Variants in ARMC8 observed in about 807,000 individuals in gnomAD.
The protein encoded by ARMC8 is armadillo repeat containing 8.
A neutral mutation model predicts 99.3 loss-of-function variants in ARMC8; 20 were observed. That is an observed-to-expected ratio of 0.20 (90% CI 0.14 to 0.29). The LOEUF (loss-of-function observed/expected upper bound fraction) is 0.29, where lower values mean the gene tolerates loss of function less well. Ranked by LOEUF, ARMC8 falls within the 10% of genes least tolerant of loss-of-function variation. The pLI, the probability that ARMC8 is intolerant of heterozygous loss-of-function variation, is 1.00. For synonymous variants in ARMC8, 263 were observed against 278.3 expected, an observed-to-expected ratio of 0.95 and a Z score of 0.55; for missense variants, 569 against 809.5, an observed-to-expected ratio of 0.70 and a Z score of 3.60.
chr3:138,262,393 A>C (rs1034387877), intron 12 of ARMC8: 21 of 906,094 alleles, frequency 2.3e-5, no homozygotes, highest in Non-Finnish European at 3.3e-5. Flanking sequence ...TCTACAGCTA[A>C]AATGTGGTTC....
At chr3:138,244,164 A>T (rs1199792746) in intron 11 of ARMC8, among the ~76,000 whole-genome samples, 2 of 152,180 alleles carry the variant, frequency 1.3e-5, no homozygotes, top group African/African-American at 4.8e-5. Context: ...CCCATACCCA[A>T]CATAAATCTC....
At chr3:138,278,017 C>A (rs2049474325) in intron 18 of ARMC8, among the ~76,000 whole-genome samples, 1 of 152,118 alleles carries the variant, frequency 6.6e-6, no homozygotes, top group Non-Finnish European at 1.5e-5. Context: ...AGGCAAGATA[C>A]TATATGATCC....
chr3:138,188,734 A>C (rs2043214927), intron 1 of ARMC8, among the ~76,000 whole-genome samples: 1 of 152,176 alleles, frequency 6.6e-6, no homozygotes, highest in African/African-American at 2.4e-5. Context: ...CACCTATCTG[A>C]AAACACCTAG....
chr3:138,281,431 T>C (rs1417421725), intron 18 of ARMC8, among the ~76,000 whole-genome samples: 1 of 152,128 alleles, frequency 6.6e-6, no homozygotes. Context: ...TAGCTGGGAC[T>C]ACAGGCATGC....
chr3:138,264,910 TA>T (rs2048126269), intron 14 of ARMC8, among the ~76,000 whole-genome samples: 1 of 150,006 alleles, frequency 6.7e-6, no homozygotes, highest in Non-Finnish European at 1.5e-5. Flanking sequence ...TTTTTTTTTT[TA>T]AATAGACACA....
At chr3:138,262,609 AAAAAT>A in intron 12 of ARMC8, 2 of 1,583,212 alleles carry the variant, frequency 1.3e-6, no homozygotes, top group Non-Finnish European at 1.7e-6. Context: ...AAAAAAAAAA[AAAAAT>A]TTAGGTGCCT....
chr3:138,227,843 A>G (rs1380111909), intron 5 of ARMC8, among the ~76,000 whole-genome samples: 2 of 152,214 alleles, frequency 1.3e-5, no homozygotes, highest in African/African-American at 4.8e-5. Context: ...GGGAATTTGC[A>G]TGCACATTCC....
chr3:138,193,059 C>A (rs1306698911), intron 1 of ARMC8, among the ~76,000 whole-genome samples: 1 of 152,118 alleles, frequency 6.6e-6, no homozygotes, highest in Non-Finnish European at 1.5e-5. Flanking sequence ...GCCTCTGCCT[C>A]CCAGGTTCAA....
chr3:138,247,506 G>C (rs564424718), intron 12 of ARMC8, among the ~76,000 whole-genome samples: 1 of 152,320 alleles, frequency 6.6e-6, no homozygotes, highest in African/African-American at 2.4e-5. Context: ...GAAATGTTCA[G>C]TTGGTCTGCC....
At chr3:138,223,026 T>C (rs1016330658) in intron 3 of ARMC8, among the ~76,000 whole-genome samples, 2 of 152,172 alleles carry the variant, frequency 1.3e-5, no homozygotes, top group African/African-American at 4.8e-5. Flanking sequence ...CATTTCTAGT[T>C]TGAGTTTAAG....
intron 5 of ARMC8, among the ~76,000 whole-genome samples, chr3:138,225,370 A>C (rs1396544329): frequency 6.6e-6 from 1 of 152,090 alleles, no homozygotes; most frequent in African/African-American, 2.4e-5. Context: ...CGGCCTCCCA[A>C]AGTGCTGGGA....
chr3:138,229,190 G>GTATATATATATA (rs1286775498), intron 6 of ARMC8, 180 bp downstream of exon 6: 5 of 63,530 alleles, frequency 7.9e-5, no homozygotes, highest in African/African-American at 2.8e-4. Flanking sequence ...ATATGTATAT[G>GTATATATATATA]TATATGTATA....
At chr3:138,188,116 C>T (rs559954472) in intron 1 of ARMC8, 45 of 231,810 alleles carry the variant, frequency 1.9e-4, no homozygotes, top group African/African-American at 8.1e-4. Context: ...AGCACCTGGG[C>T]ACCGGCTGAA....
At chr3:138,261,564 C>T (rs2047745181) in intron 12 of ARMC8, 1 of 152,102 alleles carries the variant, frequency 6.6e-6, no homozygotes, top group Non-Finnish European at 1.5e-5. Context: ...GTTTTTAAGT[C>T]ACAGTATTGT....
At chr3:138,263,376 AC>A (rs756600437) in intron 12 of ARMC8, 1 of 222,410 alleles carries the variant, frequency 4.5e-6, no homozygotes, top group Non-Finnish European at 9.0e-6. Context: ...TTTCTTTAGA[AC>A]CTCACTCTGG....
At position 138,237,585 on chromosome 3, in the gene ARMC8, A is replaced by G; in HGVS notation, c.776+13A>G. The G allele has an allele frequency of 6.2e-7, 1 of 1,605,466 alleles. No homozygotes were observed. The highest frequency in any genetic ancestry group is 8.5e-7 in the Non-Finnish European group (1 of 1,174,486). On this transcript the variant is annotated intron_variant, in intron 9 of 21. Coordinates refer to ENST00000469044, the MANE Select transcript of ARMC8 (RefSeq NM_001363941.2). ...CATCAGCAAAATGGTAAAAGTCAGGACAATGTGGGAAGAAAGACAGTGCTT... is the reference window on the plus strand; with the variant it reads ...CATCAGCAAAATGGTAAAAGTCAGGGCAATGTGGGAAGAAAGACAGTGCTT...
At chr3:138,191,023 G>C (rs2043351961) in intron 1 of ARMC8, among the ~76,000 whole-genome samples, 1 of 152,200 alleles carries the variant, frequency 6.6e-6, no homozygotes, top group Non-Finnish European at 1.5e-5. Flanking sequence ...AAAGTTCAAG[G>C]ATAAGTAAGA....
chr3:138,229,445 A>C (rs1031357561), intron 6 of ARMC8, among the ~76,000 whole-genome samples: 2 of 151,224 alleles, frequency 1.3e-5, no homozygotes, highest in African/African-American at 4.9e-5. Context: ...ATTACAAAAC[A>C]GTGCTGCAAA....
intron 19 of ARMC8, 44 bp downstream of exon 19, chr3:138,284,570 C>A: frequency 7.2e-7 from 1 of 1,386,216 alleles, no homozygotes; most frequent in Non-Finnish European, 1.0e-6. Flanking sequence ...AATGCAGGGA[C>A]TGTTGCATTT....
Sources: allele counts gnomAD v4.1 joint callset (sites outside exome capture counted in the v4.1 genomes callset), GRCh38; gene constraint gnomAD v4.1.1; transcripts MANE v1.5; gene names NCBI Gene and HGNC (gene_info 2026-07-23, HGNC 2026-07-21).